The following DOCK9 variants were observed in gnomAD, a reference collection of about 807,000 sequenced individuals.
DOCK9 encodes the protein dedicator of cytokinesis protein 9.
DOCK9 carries 89 observed loss-of-function variants against 263.3 expected under a neutral mutation model. The observed-to-expected ratio is 0.34, with a 90% CI of 0.28 to 0.40. The LOEUF is 0.40. Among genes scored for constraint, DOCK9 ranks in the 10% least tolerant of loss-of-function variants. The pLI is 1.00. For synonymous variants in DOCK9, 976 were observed against 973.1 expected (o/e 1.00, Z -0.06); for missense variants, 2,140 against 2,603.4 (o/e 0.82, Z 3.87).
At chr13:98,869,252 CACTT>C (rs921469730) in intron 27 of DOCK9, among the ~76,000 whole-genome samples, 2 of 152,238 alleles carry the variant, frequency 1.3e-5, no homozygotes, top group African/African-American at 4.8e-5. Context: ...AATTAGCTAA[CACTT>C]ATGTATATCT....
intron 1 of DOCK9, among the ~76,000 whole-genome samples, chr13:98,971,887 T>G (rs191926073): frequency 6.6e-6 from 1 of 152,360 alleles, no homozygotes; most frequent in East Asian, 1.9e-4. Flanking sequence ...ACCACCATTG[T>G]CTTCATGCTA....
intron 1 of DOCK9, among the ~76,000 whole-genome samples, chr13:99,056,951 C>T (rs1405510952): frequency 6.6e-6 from 1 of 152,232 alleles, no homozygotes; most frequent in East Asian, 1.9e-4. Context: ...TGTGGATCAC[C>T]TCCCTGGGGG....
chr13:98,960,961 T>C (rs1429778537), intron 1 of DOCK9, among the ~76,000 whole-genome samples: 1 of 152,182 alleles, frequency 6.6e-6, no homozygotes, highest in African/African-American at 2.4e-5. Context: ...ATTCTTTGCT[T>C]TCTATGATTG....
chr13:99,003,536 T>C (rs2141856347), intron 1 of DOCK9, among the ~76,000 whole-genome samples: 1 of 152,304 alleles, frequency 6.6e-6, no homozygotes, highest in African/African-American at 2.4e-5. Context: ...AACCTCAAAC[T>C]CAAGATGTCT....
At chr13:98,846,132 G>A in intron 37 of DOCK9, 72 bp from the exon 38 acceptor site, 1 of 1,514,676 alleles carries the variant, frequency 6.6e-7, no homozygotes, top group South Asian at 1.2e-5. Flanking sequence ...GGGAGTGTTA[G>A]TGAAGCCAGA....
rs767559134 is a variant in DOCK9, at chr13:98,810,218, T to C, written c.5204A>G (p.Asp1735Gly). The C allele has an allele frequency of 2.5e-6, 4 of 1,613,830 alleles. No individual in the cohort carries two copies. Among genetic ancestry groups the C allele is most frequent in the South Asian group, 1.1e-5 (1 of 91,086 alleles). ...WKAERYELIA[D>G]IYKLIIPIYE... ...AATGGGGATGATAAGTTTGTAGATG[T>C]CGGCGATGAGCTCGTAGCGCTCGGC... Residue 1735 changes from aspartate to glycine, a missense_variant, in exon 46 of 53, where the codon GAC becomes GGC. Around this residue, in one of 2 missense-constraint regions of DOCK9, gnomAD observed 619 missense variants for 861.8 expected, o/e 0.72. Transcript: ENST00000682017.
At chr13:98,884,410 G>T (rs2045353241) in intron 21 of DOCK9, among the ~76,000 whole-genome samples, 1 of 152,076 alleles carries the variant, frequency 6.6e-6, no homozygotes, top group Admixed American at 6.5e-5. Context: ...CTTAAATTTG[G>T]CATCATTTAA....
chr13:98,991,261 G>A (rs1879737130), intron 1 of DOCK9, among the ~76,000 whole-genome samples: 1 of 152,214 alleles, frequency 6.6e-6, no homozygotes, highest in South Asian at 2.1e-4. Flanking sequence ...TAGTAGAGAC[G>A]TGGTCTCACC....
At chr13:99,060,014 A>C (rs1376377223) in intron 1 of DOCK9, among the ~76,000 whole-genome samples, 2 of 134,518 alleles carry the variant, frequency 1.5e-5, no homozygotes, top group African/African-American at 5.8e-5. Context: ...ATAATATTCT[A>C]TTGGGTGGAT....
chr13:98,886,757 G>C (rs190790708), intron 18 of DOCK9, 133 bp from the exon 19 acceptor site: 1 of 793,060 alleles, frequency 1.3e-6, no homozygotes, highest in Non-Finnish European at 2.0e-6. Flanking sequence ...CCCCAGGCCT[G>C]TGAGCCCCGG....
At chr13:98,796,694 GC>G (rs1396190554) in intron 52 of DOCK9, among the ~76,000 whole-genome samples, 2 of 152,228 alleles carry the variant, frequency 1.3e-5, no homozygotes, top group African/African-American at 4.8e-5. Context: ...TTTTTAAACA[GC>G]AAAAACATTG....
intron 1 of DOCK9, among the ~76,000 whole-genome samples, chr13:99,046,785 A>G (rs1215701958): frequency 6.6e-6 from 1 of 152,200 alleles, no homozygotes; most frequent in East Asian, 1.9e-4. Flanking sequence ...TCATTCTTAC[A>G]TCTAACTCCT....
Position 98,802,497 on chromosome 13 carries a change from G to C in DOCK9, c.5726-2019C>G, listed in dbSNP as rs373014025. On this transcript the variant is annotated intron_variant, in intron 49 of 52. Transcript: ENST00000682017. ...ACTGCTGGTCTGTGTGTCTTGAATA[G>C]AAAGTGGAGGGCCGGAAGCTAATCC... is the stretch of plus-strand genomic sequence containing the variant. 3.3e-4 allele frequency among the ~76,000 whole-genome samples: 50 copies of C among 152,330 alleles called. No individual in the cohort carries two copies. In the South Asian group the frequency reaches 8.9e-3, roughly 27 times the overall value.
At position 98,915,451 on chromosome 13, in the gene DOCK9, C is replaced by G; in HGVS notation, c.770G>C (p.Ser257Thr). 4 of 1,613,942 alleles carry G rather than the reference C, an allele frequency of 2.5e-6. No homozygotes were observed. Among genetic ancestry groups the G allele is most frequent in the Non-Finnish European group, 2.5e-6 (3 of 1,179,850 alleles). Residue 257 changes from serine to threonine, a missense_variant, in exon 8 of 53, where the codon AGT (serine) becomes ACT (threonine). Ser to Thr is a moderately conservative substitution (Grantham distance 58). Around this residue, in one of 2 missense-constraint regions of DOCK9, gnomAD observed 1,521 missense variants for 1,741.7 expected, o/e 0.87. Coordinates refer to ENST00000682017, the MANE Select transcript of DOCK9 (RefSeq NM_001366683.2). ...TTCACTGTCTGCTGCCAAGAGATAA[C>G]TACTTTTGTCCTGCATCTTGAGCTC... ...AFELKMQDKS[S>T]YLLAADSEVE...
chr13:98,974,229 A>C (rs2060003374), intron 1 of DOCK9, among the ~76,000 whole-genome samples: 1 of 152,176 alleles, frequency 6.6e-6, no homozygotes, highest in African/African-American at 2.4e-5. Context: ...ACATGCAGAC[A>C]TCAAGAATAT....
rs369562954 is a variant in DOCK9, at chr13:98,807,716, A to T, written c.5459T>A (p.Leu1820Gln). 6 of 1,613,470 alleles carry T rather than the reference A, an allele frequency of 3.7e-6. No homozygotes were observed. The African/African-American group carries it at 8.0e-5, about 22-fold the overall frequency. ...LSEISQRLLK[L>Q]YSDKFGSENV... Reference sequence around the variant, plus strand: ...TTCAGAACCAAATTTATCCGAGTACAGTTTAAGGAGTCTCTGAGAAATTTC... The same window carrying T: ...TTCAGAACCAAATTTATCCGAGTACTGTTTAAGGAGTCTCTGAGAAATTTC... Residue 1820 changes from leucine (L) to glutamine (Q), a missense_variant, in exon 48 of 53, where the codon CTG (leucine) becomes CAG (glutamine). Around this residue, in one of 2 missense-constraint regions of DOCK9, gnomAD observed 619 missense variants for 861.8 expected, o/e 0.72. Coordinates refer to ENST00000682017, the MANE Select transcript of DOCK9 (RefSeq NM_001366683.2).
chr13:98,894,228 C>T (rs988322652), intron 15 of DOCK9, among the ~76,000 whole-genome samples: 15 of 152,204 alleles, frequency 9.9e-5, no homozygotes, highest in African/African-American at 3.6e-4. Flanking sequence ...GGGCTCCAAC[C>T]TCCATCACAT....
At chr13:99,056,873 C>T (rs907121703) in intron 1 of DOCK9, among the ~76,000 whole-genome samples, 1 of 152,192 alleles carries the variant, frequency 6.6e-6, no homozygotes, top group African/African-American at 2.4e-5. Context: ...AGGAGCCATG[C>T]GTACAGCAGC....
chr13:98,971,764 C>A (rs188825615), intron 1 of DOCK9, among the ~76,000 whole-genome samples: 5 of 152,232 alleles, frequency 3.3e-5, no homozygotes, highest in African/African-American at 1.2e-4. Flanking sequence ...TAGACTCTCA[C>A]CAGTCTATGC....
Sources: gnomAD v4.1 joint callset for allele counts (sites outside exome capture counted in the v4.1 genomes callset) on GRCh38, gnomAD v4.1.1 for gene constraint, gnomAD v4.1.1 regional missense constraint, MANE v1.5 for transcripts, NCBI Gene and HGNC (gene_info 2026-07-23, HGNC 2026-07-21) for gene names.